The following CNKSR2 variants were observed in gnomAD, a reference collection of about 807,000 sequenced individuals.
The protein encoded by CNKSR2 is CNK homolog protein 2.
A neutral mutation model predicts 84.4 loss-of-function variants in CNKSR2; 14 were observed. The ratio of observed to expected loss-of-function variants is 0.17; its 90% CI spans 0.11 to 0.26. CNKSR2 has a LOEUF of 0.26. CNKSR2 is among the 10% of genes least tolerant of loss of function. CNKSR2 has a pLI of 1.00. For synonymous variants in CNKSR2, 275 were observed against 277.9 expected, an observed-to-expected ratio of 0.99 and a Z score of 0.10; for missense variants, 485 against 771.2, an observed-to-expected ratio of 0.63 and a Z score of 4.40.
chrX:21,529,350 G>T (rs1280053739), intron 10 of CNKSR2, among the ~76,000 whole-genome samples: 1 of 111,058 alleles, frequency 9.0e-6, no homozygotes, highest in African/African-American at 3.3e-5. Flanking sequence ...ACTAAACACA[G>T]TTTCATTATC....
chrX:21,558,562 A>G (rs1336298139), intron 11 of CNKSR2, among the ~76,000 whole-genome samples: 2 of 109,097 alleles, frequency 1.8e-5, no homozygotes, highest in Non-Finnish European at 3.8e-5. Context: ...TAAAAAAAAA[A>G]AGTCACCCCC....
At chrX:21,476,990 C>T (rs1416451720) in intron 5 of CNKSR2, among the ~76,000 whole-genome samples, 1 of 111,819 alleles carries the variant, frequency 8.9e-6, no homozygotes, top group Admixed American at 9.5e-5. Context: ...TTACTCCTCA[C>T]TCCTGCCTTT....
At chrX:21,467,548 G>T (rs944501214) in intron 4 of CNKSR2, among the ~76,000 whole-genome samples, 4 of 111,574 alleles carry the variant, frequency 3.6e-5, no homozygotes, top group Non-Finnish European at 5.6e-5. Flanking sequence ...CTAATCAAGA[G>T]TATCCCAAAT....
chrX:21,409,539 T>G (rs1481679838), intron 1 of CNKSR2, among the ~76,000 whole-genome samples: 1 of 109,380 alleles, frequency 9.1e-6, no homozygotes, highest in Non-Finnish European at 1.9e-5. Flanking sequence ...CATAGTAAAA[T>G]GCTGTCATAA....
intron 20 of CNKSR2, chrX:21,643,133 C>A: frequency 9.0e-6 from 1 of 110,729 alleles, no homozygotes; most frequent in Middle Eastern, 4.6e-3. Flanking sequence ...TGGTTTTAAA[C>A]TGTCTCCTTT....
At chrX:21,477,944 G>A (rs2091277011) in intron 5 of CNKSR2, among the ~76,000 whole-genome samples, 1 of 111,918 alleles carries the variant, frequency 8.9e-6, no homozygotes, top group Non-Finnish European at 1.9e-5. Flanking sequence ...GCTTTTGCCA[G>A]TTGTAGCCCA....
chrX:21,450,533 A>G (rs1161526852), intron 4 of CNKSR2, among the ~76,000 whole-genome samples: 1 of 112,146 alleles, frequency 8.9e-6, no homozygotes, highest in Non-Finnish European at 1.9e-5. Context: ...TTAAACTGAC[A>G]GTAGAAATTA....
At chrX:21,425,041 A>G (rs1390289210) in intron 1 of CNKSR2, 1 of 111,506 alleles carries the variant, frequency 9.0e-6, no homozygotes, top group African/African-American at 3.3e-5. Flanking sequence ...TTCAATAGAG[A>G]TATACAGTTC....
At position 21,440,063 on chromosome X, in the gene CNKSR2, G is replaced by T. The variant is rs137974615; in HGVS notation, c.432-631G>T. ...AAAAGAATTAGACACATGACTAAAT[G>T]AGTTGCTTCAAACACTTGAAGATAC... On this transcript the variant is annotated intron_variant, in intron 3 of 21. Coordinates refer to ENST00000379510, the MANE Select transcript of CNKSR2 (RefSeq NM_014927.5). Among the ~76,000 whole-genome samples, 383 of 110,822 alleles carry T rather than the reference G, an allele frequency of 3.5e-3. 1 individual carries two copies. Among genetic ancestry groups the T allele is most frequent in the Non-Finnish European group, 6.2e-3 (327 of 52,687 alleles).
chrX:21,462,597 TC>T (rs923547957), intron 4 of CNKSR2, among the ~76,000 whole-genome samples: 2 of 111,688 alleles, frequency 1.8e-5, no homozygotes, highest in African/African-American at 6.5e-5. Flanking sequence ...AAAGTGGGCA[TC>T]CTTGTGTTCT....
Position 21,380,596 on chromosome X carries a change from AC to A in CNKSR2, c.64+5637del, listed in dbSNP as rs755588628. Among the ~76,000 whole-genome samples, 37 of 109,289 alleles carry A rather than the reference AC, an allele frequency of 3.4e-4. 1 individual carries two copies. The highest frequency in any genetic ancestry group is 4.0e-4 in the South Asian group (1 of 2,523). 94.9% of individuals were successfully genotyped at this position (109,289 alleles called of 115,157 possible). A position where few individuals can be genotyped will look rare whatever the true frequency, so the allele number is the denominator to read the frequency against. ...CAAGTAGCTGGGATTACAGGCACCC[AC>A]CACCACCCCTGGCTAATTTTTGTAT... On this transcript the variant is annotated intron_variant, in intron 1 of 21. Coordinates refer to ENST00000379510, the MANE Select transcript of CNKSR2 (RefSeq NM_014927.5).
intron 13 of CNKSR2, among the ~76,000 whole-genome samples, chrX:21,565,327 G>C (rs1259283200): frequency 9.0e-6 from 1 of 111,649 alleles, no homozygotes; most frequent in East Asian, 2.8e-4. Flanking sequence ...TTAAATTAGG[G>C]AAGACAGTAA....
intron 13 of CNKSR2, among the ~76,000 whole-genome samples, chrX:21,569,354 A>G (rs2092266385): frequency 9.0e-6 from 1 of 111,266 alleles, no homozygotes; most frequent in Non-Finnish European, 1.9e-5. Context: ...TTGCTCTATC[A>G]ATTTACTCTT....
At chrX:21,595,527 T>C in intron 17 of CNKSR2, 132 bp downstream of exon 17, 1 of 366,770 alleles carries the variant, frequency 2.7e-6, no homozygotes, top group South Asian at 8.2e-5. Context: ...CCAGAATAGC[T>C]CCATGCAGCC....
chrX:21,449,942 C>T (rs761707273), intron 4 of CNKSR2, among the ~76,000 whole-genome samples: 22 of 112,017 alleles, frequency 2.0e-4, no homozygotes, highest in Middle Eastern at 4.7e-3. Flanking sequence ...AATCATAATA[C>T]AGTCTGCCAC....
intron 8 of CNKSR2, chrX:21,503,219 GTGTAAA>G (rs953168395): frequency 2.7e-5 from 8 of 292,158 alleles, no homozygotes; most frequent in African/African-American, 2.2e-4. Context: ...CACCTAGAAT[GTGTAAA>G]TGCATCTTTA....
At chrX:21,490,307 C>A in intron 5 of CNKSR2, 152 bp from the exon 6 acceptor site, 1 of 487,805 alleles carries the variant, frequency 2.0e-6, no homozygotes, top group Non-Finnish European at 3.2e-6. Flanking sequence ...TCCATTTCAC[C>A]TGAATTTCTT....
intron 11 of CNKSR2, among the ~76,000 whole-genome samples, chrX:21,544,801 C>A (rs1156941411): frequency 9.0e-6 from 1 of 111,191 alleles, no homozygotes. Context: ...GGACCTCCCT[C>A]CCCTAGCCAA....
chrX:21,576,508 A>C (rs1282035375), intron 13 of CNKSR2, among the ~76,000 whole-genome samples: 1 of 112,004 alleles, frequency 8.9e-6, no homozygotes, highest in African/African-American at 3.2e-5. Flanking sequence ...TTTAATAAAG[A>C]TAATGGAATT....
Sources: gnomAD v4.1 joint callset for allele counts (sites outside exome capture counted in the v4.1 genomes callset) on GRCh38, gnomAD v4.1.1 for gene constraint, MANE v1.5 for transcripts, NCBI Gene and HGNC (gene_info 2026-07-23, HGNC 2026-07-21) for gene names.